DENND5B: variants seen among roughly 807,000 people sequenced by gnomAD.
DENND5B encodes the protein DENN domain-containing protein 5B.
A neutral mutation model predicts 140.6 loss-of-function variants in DENND5B; 34 were observed. The observed-to-expected ratio is 0.24, with a 90% CI of 0.18 to 0.32. The LOEUF (loss-of-function observed/expected upper bound fraction) is 0.32, where lower values mean the gene tolerates loss of function less well. Ranked by LOEUF, DENND5B falls within the 10% of genes least tolerant of loss-of-function variation. The pLI is 1.00. For synonymous variants in DENND5B, 551 were observed against 562.1 expected, an observed-to-expected ratio of 0.98 and a Z score of 0.28; for missense variants, 1,142 against 1,560.2, an observed-to-expected ratio of 0.73 and a Z score of 4.52.
intron 1 of DENND5B, among the ~76,000 whole-genome samples, chr12:31,574,371 C>T (rs1949939024): frequency 6.6e-6 from 1 of 151,362 alleles, no homozygotes. Context: ...GGGTGGAGCT[C>T]TTGAAGTCTG....
At chr12:31,531,450 C>A (rs1253399863) in intron 1 of DENND5B, among the ~76,000 whole-genome samples, 1 of 152,200 alleles carries the variant, frequency 6.6e-6, no homozygotes, top group Non-Finnish European at 1.5e-5. Flanking sequence ...TCTGCCTCAG[C>A]CTCCCAAAGT....
At chr12:31,538,911 A>T (rs555784308) in intron 1 of DENND5B, among the ~76,000 whole-genome samples, 1 of 152,096 alleles carries the variant, frequency 6.6e-6, no homozygotes, top group Non-Finnish European at 1.5e-5. Context: ...GAGCAGAAAT[A>T]AGTGAAACTG....
At chr12:31,457,433 T>C (rs1944824893) in intron 4 of DENND5B, among the ~76,000 whole-genome samples, 1 of 152,252 alleles carries the variant, frequency 6.6e-6, no homozygotes, top group Non-Finnish European at 1.5e-5. Flanking sequence ...TTTTGCAAAT[T>C]TGTTATTTTT....
chr12:31,449,226 C>T (rs1020622322), intron 5 of DENND5B, among the ~76,000 whole-genome samples: 2 of 152,160 alleles, frequency 1.3e-5, no homozygotes, highest in South Asian at 2.1e-4. Flanking sequence ...CAGCTTCTTG[C>T]TAGCATATTT....
chr12:31,520,813 T>G (rs1332306745), intron 1 of DENND5B, among the ~76,000 whole-genome samples: 1 of 151,584 alleles, frequency 6.6e-6, no homozygotes, highest in African/African-American at 2.4e-5. Context: ...GTGCTGGGAT[T>G]ACAGGGGTAG....
At position 31,526,769 on chromosome 12, in the gene DENND5B, A is replaced by G. The variant is rs544101314; in HGVS notation, c.128-30850T>C. 2.6e-5 allele frequency among the ~76,000 whole-genome samples: 4 copies of G among 152,322 alleles called. No homozygotes were observed. The South Asian group carries it at 8.3e-4, about 32-fold the overall frequency. On this transcript the variant is annotated intron_variant, in intron 1 of 20. Coordinates refer to ENST00000389082, the MANE Select transcript of DENND5B (RefSeq NM_144973.4). ...ATTTCTTAGTTTTGATGAATGTACCATGGTTATGTGAAACGTTAACATTTG... is the reference window on the plus strand; with the variant it reads ...ATTTCTTAGTTTTGATGAATGTACCGTGGTTATGTGAAACGTTAACATTTG...
At chr12:31,431,319 T>C (rs1276989490) in intron 8 of DENND5B, among the ~76,000 whole-genome samples, 1 of 152,236 alleles carries the variant, frequency 6.6e-6, no homozygotes, top group Non-Finnish European at 1.5e-5. Flanking sequence ...AAAATAGATT[T>C]AAGCTAGTAT....
chr12:31,399,020 G>A (rs1941639349), intron 16 of DENND5B, among the ~76,000 whole-genome samples: 1 of 150,428 alleles, frequency 6.6e-6, no homozygotes, highest in South Asian at 2.1e-4. Flanking sequence ...TACTCGGGAG[G>A]CTGAAGCACG....
intron 1 of DENND5B, among the ~76,000 whole-genome samples, chr12:31,580,555 C>T (rs555138935): frequency 5.9e-5 from 9 of 152,192 alleles, no homozygotes; most frequent in South Asian, 2.1e-4. Flanking sequence ...AGTGCAGCAG[C>T]GCAATCTCAG....
intron 1 of DENND5B, among the ~76,000 whole-genome samples, chr12:31,588,958 CAA>C (rs918657953): frequency 3.9e-5 from 6 of 151,906 alleles, no homozygotes; most frequent in African/African-American, 1.2e-4. Flanking sequence ...CACAGTTTTG[CAA>C]AAAGAGACAT....
chr12:31,452,729 T>C (rs895510307), intron 4 of DENND5B, among the ~76,000 whole-genome samples: 4 of 152,230 alleles, frequency 2.6e-5, no homozygotes, highest in Non-Finnish European at 5.9e-5. Flanking sequence ...TTTATGTTAA[T>C]CTTTGCAAGG....
In DENND5B at chr12:31,552,423, T is replaced by C. The variant is rs1289234299; in HGVS notation, c.127+38283A>G. On this transcript the variant is annotated intron_variant, in intron 1 of 20. Transcript: ENST00000389082. Reference sequence around the variant, plus strand: ...CCCAGGGATGAAGCCCACTTGATCATAGTGGATAAGCTTTTTGACGTGCTG... The same window carrying C: ...CCCAGGGATGAAGCCCACTTGATCACAGTGGATAAGCTTTTTGACGTGCTG... Among the ~76,000 whole-genome samples, 15 of 152,356 alleles carry C rather than the reference T, an allele frequency of 9.8e-5. No individual in the cohort carries two copies. The East Asian group carries it at 2.5e-3, about 25-fold the overall frequency.
intron 1 of DENND5B, among the ~76,000 whole-genome samples, chr12:31,498,263 A>G (rs1946865261): frequency 6.6e-6 from 1 of 152,176 alleles, no homozygotes; most frequent in Non-Finnish European, 1.5e-5. Flanking sequence ...ACTCCTTGCA[A>G]CACTTACCTT....
chr12:31,550,432 T>C (rs1347622573), intron 1 of DENND5B, among the ~76,000 whole-genome samples: 2 of 152,060 alleles, frequency 1.3e-5, no homozygotes, highest in Non-Finnish European at 2.9e-5. Flanking sequence ...CCATGGTGTA[T>C]ATGTGCCACA....
intron 11 of DENND5B, among the ~76,000 whole-genome samples, chr12:31,416,472 C>T (rs568421758): frequency 5.3e-5 from 8 of 151,898 alleles, no homozygotes. Context: ...ACCATGTTGG[C>T]CAGCTGGTCT....
chr12:31,532,109 A>C (rs1948309669), intron 1 of DENND5B, among the ~76,000 whole-genome samples: 1 of 152,262 alleles, frequency 6.6e-6, no homozygotes, highest in Admixed American at 6.5e-5. Flanking sequence ...ACATGGCTAT[A>C]AACTGAGATA....
intron 2 of DENND5B, among the ~76,000 whole-genome samples, chr12:31,491,957 G>A (rs1272086486): frequency 1.3e-5 from 2 of 152,178 alleles, no homozygotes; most frequent in Non-Finnish European, 2.9e-5. Flanking sequence ...GCAAGACAAA[G>A]CTTTATATCT....
intron 7 of DENND5B, 21 bp from the exon 8 acceptor site, chr12:31,433,269 A>G (rs191330293): frequency 1.2e-6 from 2 of 1,602,690 alleles, no homozygotes; most frequent in Non-Finnish European, 1.7e-6. Context: ...CAAATTATTT[A>G]AAAATGTGTT....
At chr12:31,437,058 C>T (rs1375204604) in intron 7 of DENND5B, among the ~76,000 whole-genome samples, 2 of 152,056 alleles carry the variant, frequency 1.3e-5, no homozygotes, top group African/African-American at 2.4e-5. Context: ...TACTTATCTC[C>T]ATTTTCTATA....
Sources: gnomAD v4.1 joint callset for allele counts (sites outside exome capture counted in the v4.1 genomes callset) on GRCh38, gnomAD v4.1.1 for gene constraint, MANE v1.5 for transcripts, NCBI Gene and HGNC (gene_info 2026-07-23, HGNC 2026-07-21) for gene names.